DEFB131A: variants seen among roughly 807,000 people sequenced by gnomAD.
DEFB131A encodes defensin beta 131A.
DEFB131A carries 5 observed loss-of-function variants against 2.4 expected under a neutral mutation model. The ratio of observed to expected loss-of-function variants is 2.12; its 90% CI spans 1.11 to 4.47. The LOEUF (loss-of-function observed/expected upper bound fraction) is 4.47. DEFB131A is among the 30% of genes most tolerant of loss of function. The pLI is 0.00. For missense variants in DEFB131A, 120 were observed against 79.9 expected (o/e 1.50, Z -1.91); for synonymous variants, 34 against 25.7 (o/e 1.32, Z -0.97).
intron 1 of DEFB131A, among the ~76,000 whole-genome samples, chr4:9,448,348 A>T (rs181972818): frequency 6.6e-6 from 1 of 152,216 alleles, no homozygotes; most frequent in Non-Finnish European, 1.5e-5. Context: ...CTCTCTACTT[A>T]GTAAAATTAT....
intron 1 of DEFB131A, among the ~76,000 whole-genome samples, chr4:9,446,313 G>T (rs6835868): frequency 0.7 from 106,092 of 151,714 alleles, 37,456 homozygotes; most frequent in Non-Finnish European, 0.77. Flanking sequence ...ATTTTAAAAT[G>T]AATTTGGGAA....
intron 1 of DEFB131A, among the ~76,000 whole-genome samples, chr4:9,445,176 T>A (rs1159610110): frequency 6.6e-6 from 1 of 151,906 alleles, no homozygotes; most frequent in Non-Finnish European, 1.5e-5. Flanking sequence ...ATTTAAAGAA[T>A]TGGAAAAAGG....
intron 1 of DEFB131A, among the ~76,000 whole-genome samples, chr4:9,446,580 T>C (rs7665884): frequency 0.72 from 108,837 of 151,760 alleles, 39,155 homozygotes; most frequent in Non-Finnish European, 0.77. Context: ...TTTTAAATCT[T>C]GAATTCACTT....
Position 9,444,460 on chromosome 4 carries a change from G to A in DEFB131A, c.-74G>A. The A allele has an allele frequency of 1.9e-6, 3 of 1,551,176 alleles. No homozygotes were observed. Among genetic ancestry groups the A allele is most frequent in the Non-Finnish European group, 2.6e-6 (3 of 1,137,006 alleles). On this transcript the variant is annotated 5_prime_UTR_variant, in exon 1 of 2. Coordinates refer to ENST00000334879, the MANE Select transcript of DEFB131A (RefSeq NM_001040448.3). ...AATCACTCAACAACTCACCTCTTCAGAGAACTGAATGTACACAGAAGTCCT... is the reference window on the plus strand; with the variant it reads ...AATCACTCAACAACTCACCTCTTCAAAGAACTGAATGTACACAGAAGTCCT...
intron 1 of DEFB131A, among the ~76,000 whole-genome samples, chr4:9,447,733 A>AT (rs1447910002): frequency 4.6e-5 from 7 of 151,290 alleles, no homozygotes; most frequent in South Asian, 4.2e-4. Context: ...AAAAAAAAAA[A>AT]CTTATCTTCA....
In DEFB131A at chr4:9,450,340, T is replaced by A; in HGVS notation, c.59-20T>A. On this transcript the variant is annotated intron_variant, in intron 1 of 1. Coordinates refer to ENST00000334879, the MANE Select transcript of DEFB131A (RefSeq NM_001040448.3). ...AAGTAAGTAATATTGTGTCATATAA[T>A]TTGTCTTCTCTTTTTAAAGCCAGAA... The A allele has an allele frequency of 6.5e-7, 1 of 1,528,050 alleles. No individual in the cohort carries two copies. The highest frequency in any genetic ancestry group is 8.8e-7 in the Non-Finnish European group (1 of 1,135,296). 94.7% of individuals were successfully genotyped at this position (1,528,050 alleles called of 1,614,324 possible).
intron 1 of DEFB131A, among the ~76,000 whole-genome samples, chr4:9,447,338 T>C (rs187793343): frequency 7.9e-5 from 12 of 152,324 alleles, no homozygotes; most frequent in Admixed American, 7.2e-4. Flanking sequence ...TTTATCATTA[T>C]ATGATGACCT....
rs1248093038 is a variant in DEFB131A, at chr4:9,450,555, C to G, written c.*41C>G. On this transcript the variant is annotated 3_prime_UTR_variant, in exon 2 of 2. Coordinates refer to ENST00000334879, the MANE Select transcript of DEFB131A (RefSeq NM_001040448.3). ...CTTCTTCAGACTCCGGGACAAAAAA[C>G]ATGTCTTAAACTCTCTTATCTATGA... 1 of 1,588,002 alleles carries G rather than the reference C, an allele frequency of 6.3e-7. No individual in the cohort carries two copies. The highest frequency in any genetic ancestry group is 1.3e-5 in the African/African-American group (1 of 74,142).
intron 1 of DEFB131A, among the ~76,000 whole-genome samples, chr4:9,446,338 T>C (rs1717504413): frequency 6.6e-6 from 1 of 152,014 alleles, no homozygotes; most frequent in East Asian, 1.9e-4. Context: ...AGATTGATTA[T>C]TGGTGTTGGT....
intron 1 of DEFB131A, 152 bp from the exon 2 acceptor site, chr4:9,450,208 C>T (rs1278569238): frequency 1.1e-5 from 9 of 855,460 alleles, no homozygotes; most frequent in Non-Finnish European, 8.2e-6. Flanking sequence ...CTTTATTCAG[C>T]ATCTCCACGT....
rs189680796 is a variant in DEFB131A at position 9,450,211 on chromosome 4, C to A, written c.59-149C>A. On this transcript the variant is annotated intron_variant, in intron 1 of 1. Coordinates refer to ENST00000334879, the MANE Select transcript of DEFB131A (RefSeq NM_001040448.3). The stretch of plus-strand genomic sequence containing the variant: ...ATCATCGCTTGTCTTTATTCAGCAT[C>A]TCCACGTTTTCTCTTGCATTTTTTG... The A allele has an allele frequency of 2.4e-5, 22 of 903,468 alleles. No homozygotes were observed. The Admixed American group carries it at 4.7e-4, about 19-fold the overall frequency. 56.0% of individuals were successfully genotyped at this position (903,468 alleles called of 1,614,324 possible). A position where few individuals can be genotyped will look rare whatever the true frequency, so the allele number is the denominator to read the frequency against.
In DEFB131A at chr4:9,445,212, G is replaced by A. The variant is rs185820847; in HGVS notation, c.58+621G>A. The stretch of plus-strand genomic sequence containing the variant: ...AAAAGTGAATGATGACTAGAAGAAG[G>A]GCTAGAGGTGAAGAGGTGGATACTC... On this transcript the variant is annotated intron_variant, in intron 1 of 1. Transcript: ENST00000334879. Among the ~76,000 whole-genome samples the A allele has an allele frequency of 2.9e-3, 437 of 152,162 alleles. 3 individuals carry two copies. The highest frequency in any genetic ancestry group is 0.01 in the African/African-American group (418 of 41,544).
intron 1 of DEFB131A, among the ~76,000 whole-genome samples, chr4:9,445,976 A>G (rs1395043991): frequency 6.6e-6 from 1 of 152,100 alleles, no homozygotes; most frequent in Non-Finnish European, 1.5e-5. Context: ...AGATTCATCC[A>G]TGTTGTGGCA....
chr4:9,446,860 G>A (rs1358247643), intron 1 of DEFB131A, among the ~76,000 whole-genome samples: 2 of 152,076 alleles, frequency 1.3e-5, no homozygotes, highest in Non-Finnish European at 1.5e-5. Context: ...TTGTTCAGAA[G>A]CATGTTGTTT....
intron 1 of DEFB131A, 116 bp downstream of exon 1, chr4:9,444,707 G>C: frequency 9.7e-7 from 1 of 1,033,632 alleles, no homozygotes; most frequent in East Asian, 2.5e-5. Flanking sequence ...GTACCATGAA[G>C]GCTGCTCAGA....
At chr4:9,447,132 G>A (rs1020239514) in intron 1 of DEFB131A, among the ~76,000 whole-genome samples, 7 of 152,288 alleles carry the variant, frequency 4.6e-5, no homozygotes, top group African/African-American at 1.7e-4. Flanking sequence ...TAAATTCAAT[G>A]ATTATTTGTT....
At chr4:9,447,260 G>A (rs1316360081) in intron 1 of DEFB131A, among the ~76,000 whole-genome samples, 1 of 152,022 alleles carries the variant, frequency 6.6e-6, no homozygotes, top group Non-Finnish European at 1.5e-5. Context: ...ATATATCTAA[G>A]CATTCCACTA....
chr4:9,449,221 G>A (rs1717587500), intron 1 of DEFB131A, among the ~76,000 whole-genome samples: 1 of 149,596 alleles, frequency 6.7e-6, no homozygotes, highest in Admixed American at 6.8e-5. Flanking sequence ...CTATGTTCAT[G>A]AATTGGAAGA....
chr4:9,450,086 G>C (rs568367584), intron 1 of DEFB131A, among the ~76,000 whole-genome samples: 3 of 152,168 alleles, frequency 2.0e-5, no homozygotes, highest in African/African-American at 7.2e-5. Flanking sequence ...CCCCAAGCTG[G>C]ATAATTCATT....
Sources: allele counts gnomAD v4.1 joint callset (sites outside exome capture counted in the v4.1 genomes callset), GRCh38; gene constraint gnomAD v4.1.1; transcripts MANE v1.5; gene names NCBI Gene and HGNC (gene_info 2026-07-23, HGNC 2026-07-21).